SV2B: variants seen among roughly 807,000 people sequenced by gnomAD.
SV2B encodes the protein synaptic vesicle glycoprotein 2B.
SV2B carries 41 observed loss-of-function variants against 73.9 expected under a neutral mutation model. The observed-to-expected ratio is 0.56, with a 90% confidence interval of 0.43 to 0.72. The LOEUF (loss-of-function observed/expected upper bound fraction) is 0.72, where lower values mean the gene tolerates loss of function less well. Among genes scored for constraint, SV2B ranks in the 30% least tolerant of loss-of-function variants. SV2B has a pLI of 0.00. For synonymous variants in SV2B, 314 were observed against 314.2 expected, an observed-to-expected ratio of 1.00 and a Z score of 0.01; for missense variants, 764 against 857.8, an observed-to-expected ratio of 0.89 and a Z score of 1.37.
chr15:91,244,317 G>T (rs1171475518), intron 2 of SV2B, among the ~76,000 whole-genome samples: 1 of 152,112 alleles, frequency 6.6e-6, no homozygotes, highest in African/African-American at 2.4e-5. Context: ...CTACACATTT[G>T]TATCCAAATA....
Position 91,267,669 on chromosome 15 carries a change from G to A in SV2B, c.1208+26G>A, listed in dbSNP as rs558884459. The A allele has an allele frequency of 1.9e-4, 305 of 1,569,208 alleles. No homozygotes were observed. Among genetic ancestry groups the A allele is most frequent in the Middle Eastern group, 5.2e-4 (3 of 5,808 alleles). On this transcript the variant is annotated intron_variant, in intron 8 of 12. Transcript: ENST00000394232. This position sits in a 1 kb window ranked among gnomAD's most constrained non-coding sequence, Gnocchi z 4.3. ...GTAAGTTCTGTCTTACTTAAATTTCGTAATTCCCTGTGCCTCAGTGGCCTC... is the reference window on the plus strand; with the variant it reads ...GTAAGTTCTGTCTTACTTAAATTTCATAATTCCCTGTGCCTCAGTGGCCTC...
At chr15:91,184,411 C>CA (rs892506446) in intron 1 of SV2B, among the ~76,000 whole-genome samples, 3 of 152,166 alleles carry the variant, frequency 2.0e-5, no homozygotes, top group African/African-American at 7.2e-5. Context: ...ACCTGGACAT[C>CA]ATAAATTGGA....
rs539373232 is a variant in SV2B at position 91,295,799 on chromosome 15, T to C, written c.*3247T>C. ...CATTTATTCATTCAGCAAATCCTTATTGAGCCCTGACCATGGGCCAGTCTC... is the reference window on the plus strand; with the variant it reads ...CATTTATTCATTCAGCAAATCCTTACTGAGCCCTGACCATGGGCCAGTCTC... On this transcript the variant is annotated 3_prime_UTR_variant, in exon 13 of 13. Transcript: ENST00000394232. The C allele has an allele frequency of 8.9e-4, 135 of 152,350 alleles. 1 individual carries two copies. The highest frequency in any genetic ancestry group is 2.9e-3 in the African/African-American group (121 of 41,578). The allele number at this position is 152,350 out of a possible 1,614,324, so 9.4% of individuals were successfully genotyped here.
Position 91,132,210 on chromosome 15 carries a change from G to A in SV2B, c.-392+31847G>A, listed in dbSNP as rs151000052. On this transcript the variant is annotated intron_variant, in intron 1 of 12. Coordinates refer to ENST00000394232, the MANE Select transcript of SV2B (RefSeq NM_001323032.3). This position sits in a 1 kb window ranked among gnomAD's most constrained non-coding sequence, Gnocchi z 4.6. ...AAGAGCCCAGCTACAGAATCGTCTC[G>A]GGTCCAAATACCCTCTAGAAGTTTC... is the stretch of plus-strand genomic sequence containing the variant. Among the ~76,000 whole-genome samples, 2 of 152,180 alleles carry A rather than the reference G, an allele frequency of 1.3e-5. No homozygotes were observed. The highest frequency in any genetic ancestry group is 4.1e-4 in the South Asian group (2 of 4,820).
chr15:91,289,621 C>T lies in SV2B; in HGVS notation c.1809C>T (p.Ser603=). Reference sequence around the variant, plus strand: ...GGCAGTGCCTGTTCTGTGGGACAAGCATTGCAGCCTGGAATGCTCTGGATG... The same window carrying T: ...GGCAGTGCCTGTTCTGTGGGACAAGTATTGCAGCCTGGAATGCTCTGGATG... ...IGWQCLFCGT[S]IAAWNALDVI... The change falls in exon 12 of 13, where the codon AGC becomes AGT. Residue 603 remains serine, a synonymous_variant. Transcript: ENST00000394232. The surrounding 1 kb of genome is among the most constrained non-coding windows in gnomAD (Gnocchi z 4.9). 2 of 1,614,184 alleles carry T rather than the reference C, an allele frequency of 1.2e-6. No homozygotes were observed. The highest frequency in any genetic ancestry group is 1.7e-6 in the Non-Finnish European group (2 of 1,180,036).
chr15:91,198,035 AAAAC>A (rs1434946391), intron 1 of SV2B, among the ~76,000 whole-genome samples: 1 of 152,220 alleles, frequency 6.6e-6, no homozygotes, highest in African/African-American at 2.4e-5. Flanking sequence ...AGTCCGTCTC[AAAAC>A]AAACAAACAA....
Position 91,281,958 on chromosome 15 carries a change from A to G in SV2B, c.1507+97A>G. ...GTCAGGCATAAACTTTAGGAGTAGG[A>G]AAGTATTCGTAGATACAAATGCCAA... On this transcript the variant is annotated intron_variant, in intron 10 of 12. Transcript: ENST00000394232. The surrounding 1 kb of genome is among the most constrained non-coding windows in gnomAD (Gnocchi z 4.7). 7 of 1,374,028 alleles carry G rather than the reference A, an allele frequency of 5.1e-6. No homozygotes were observed. In the South Asian group the frequency reaches 1.2e-4, roughly 24 times the overall value. 85.1% of individuals were successfully genotyped at this position (1,374,028 alleles called of 1,614,324 possible).
Position 91,258,294 on chromosome 15 carries a change from C to A in SV2B, c.785-127C>A. 1 of 1,347,286 alleles carries A rather than the reference C, an allele frequency of 7.4e-7. No homozygotes were observed. 83.5% of individuals were successfully genotyped at this position (1,347,286 alleles called of 1,614,324 possible). ...TTCGGAGGCACAGCTGAGGAGTCTG[C>A]ATTTTAACCACCTCCCCGGGTGACT... On this transcript the variant is annotated intron_variant, in intron 4 of 12. Coordinates refer to ENST00000394232, the MANE Select transcript of SV2B (RefSeq NM_001323032.3). This position sits in a 1 kb window ranked among gnomAD's most constrained non-coding sequence, Gnocchi z 4.7.
At chr15:91,193,706 T>C (rs2045134303) in intron 1 of SV2B, among the ~76,000 whole-genome samples, 1 of 152,246 alleles carries the variant, frequency 6.6e-6, no homozygotes, top group Admixed American at 6.5e-5. Flanking sequence ...AGCTTTCATA[T>C]CTGTCCATTT....
In SV2B at chr15:91,273,540, C is replaced by T. The variant is rs574624444; in HGVS notation, c.1373+4935C>T. 3.3e-5 allele frequency among the ~76,000 whole-genome samples: 5 copies of T among 152,276 alleles called. No homozygotes were observed. In the South Asian group the frequency reaches 1.0e-3, roughly 32 times the overall value. On this transcript the variant is annotated intron_variant, in intron 9 of 12. Transcript: ENST00000394232. ...ATGTTGTAGCAAATAAATAAGACCC[C>T]TGTTGAGTTTTGGATATTTATTTTG...
chr15:91,237,859 G>T (rs2046851366), intron 2 of SV2B, among the ~76,000 whole-genome samples: 1 of 152,166 alleles, frequency 6.6e-6, no homozygotes, highest in Non-Finnish European at 1.5e-5. Flanking sequence ...AAAAAATCTT[G>T]TACAGTGCTT....
At chr15:91,131,153 T>C (rs1373592684) in intron 1 of SV2B, among the ~76,000 whole-genome samples, 2 of 148,524 alleles carry the variant, frequency 1.3e-5, no homozygotes, top group East Asian at 3.9e-4. Flanking sequence ...TCTTGTTTTT[T>C]TTTTTTTTTT....
At chr15:91,212,067 T>G (rs1397811621) in intron 1 of SV2B, among the ~76,000 whole-genome samples, 1 of 152,210 alleles carries the variant, frequency 6.6e-6, no homozygotes, top group African/African-American at 2.4e-5. Context: ...TCTGGGAGAT[T>G]GAAGTGCATC....
intron 1 of SV2B, among the ~76,000 whole-genome samples, chr15:91,218,018 T>C (rs995623641): frequency 6.6e-6 from 1 of 152,250 alleles, no homozygotes; most frequent in Non-Finnish European, 1.5e-5. Flanking sequence ...GTAAAAGGTA[T>C]TCTTTCTTAT....
rs1032154650 is a variant in SV2B at position 91,224,457 on chromosome 15, C to T, written c.-391-1416C>T. Among the ~76,000 whole-genome samples, 3 of 152,090 alleles carry T rather than the reference C, an allele frequency of 2.0e-5. No homozygotes were observed. Among genetic ancestry groups the T allele is most frequent in the Admixed American group, 2.0e-4 (3 of 15,274 alleles). On this transcript the variant is annotated intron_variant, in intron 1 of 12. Transcript: ENST00000394232. The surrounding 1 kb of genome is among the most constrained non-coding windows in gnomAD (Gnocchi z 4.9). ...AGCCCTGAGGGGCTACTCAGTGAGG[C>T]GGGGCCTCAGAGCCACTTGGAGAGA... is the stretch of plus-strand genomic sequence containing the variant.
chr15:91,191,227 A>G (rs1322066575), intron 1 of SV2B, among the ~76,000 whole-genome samples: 4 of 151,396 alleles, frequency 2.6e-5, no homozygotes, highest in South Asian at 2.1e-4. Flanking sequence ...CACCACACCC[A>G]GCTAATTTTT....
At chr15:91,218,781 G>A (rs2046118127) in intron 1 of SV2B, among the ~76,000 whole-genome samples, 1 of 152,140 alleles carries the variant, frequency 6.6e-6, no homozygotes, top group Non-Finnish European at 1.5e-5. Context: ...CTGACTGCAA[G>A]TGAAGTCACA....
chr15:91,268,455 C>G lies in SV2B; in HGVS notation c.1223C>G (p.Thr408Arg). The change falls in exon 9 of 13, where the codon ACA (threonine) becomes AGA (arginine). Residue 408 changes from threonine (T) to arginine (R), a missense_variant. Transcript: ENST00000394232. This position sits in a 1 kb window ranked among gnomAD's most constrained non-coding sequence, Gnocchi z 4.4. ...CTCCACTCCAGTTACTATGGACTGA[C>G]AGTTTGGTTTCCTGATATGATCCGC... ...FAMAFSYYGL[T>R]VWFPDMIRYF... 6.2e-7 allele frequency: 1 copy of G among 1,613,516 alleles called. No individual in the cohort carries two copies. Among genetic ancestry groups the G allele is most frequent in the Non-Finnish European group, 8.5e-7 (1 of 1,179,542 alleles).
chr15:91,287,995 G>A (rs959730052), intron 11 of SV2B, among the ~76,000 whole-genome samples: 7 of 152,162 alleles, frequency 4.6e-5, no homozygotes, highest in African/African-American at 1.4e-4. Flanking sequence ...TTCTACCCCC[G>A]GGGAGGAGTT....
Sources: allele counts gnomAD v4.1 joint callset (sites outside exome capture counted in the v4.1 genomes callset), GRCh38; gene constraint gnomAD v4.1.1; non-coding constraint Gnocchi (gnomAD v3.1); transcripts MANE v1.5; gene names NCBI Gene and HGNC (gene_info 2026-07-23, HGNC 2026-07-21).